ADGRG5: variants seen among roughly 807,000 people sequenced by gnomAD.
ADGRG5 encodes adhesion G protein-coupled receptor G5.
ADGRG5 carries 37 observed loss-of-function variants against 53.2 expected under a neutral mutation model. The observed-to-expected ratio is 0.70, with a 90% confidence interval of 0.53 to 0.91. The LOEUF is 0.91. Ranked by LOEUF, ADGRG5 falls within the 40% of genes least tolerant of loss-of-function variation. The pLI, the probability that ADGRG5 is intolerant of heterozygous loss-of-function variation, is 0.00. For synonymous variants in ADGRG5, 277 were observed against 290.4 expected (o/e 0.95, Z 0.47); for missense variants, 614 against 675.8 (o/e 0.91, Z 1.01).
intron 6 of ADGRG5, chr16:57,565,498 T>C: frequency 2.6e-6 from 1 of 387,916 alleles, no homozygotes; most frequent in South Asian, 1.1e-4. Context: ...GTCTCAGCAA[T>C]GGTCTCCTGT....
chr16:57,562,657 T>G, intron 3 of ADGRG5, 198 bp downstream of exon 3: 1 of 578,898 alleles, frequency 1.7e-6, no homozygotes, highest in East Asian at 2.9e-5. Flanking sequence ...TGGGGGCCCT[T>G]AATCATAGAT....
rs1014885144 is a variant in ADGRG5 at position 57,567,531 on chromosome 16, T to G, written c.761T>G (p.Val254Gly). The change falls in exon 8 of 12, where the codon GTG becomes GGG. Residue 254 changes from valine to glycine, a missense_variant. Coordinates refer to ENST00000349457, the MANE Select transcript of ADGRG5 (RefSeq NM_001304376.3). ...GCACCTCTTACGTACATCTCCCTCGTGGGCTGCAGCATCTCCATCGTGGCC... is the reference window on the plus strand; with the variant it reads ...GCACCTCTTACGTACATCTCCCTCGGGGGCTGCAGCATCTCCATCGTGGCC... Reference protein sequence around the residue: ...LLAPLTYISLVGCSISIVASL... With the variant: ...LLAPLTYISLGGCSISIVASL... The G allele has an allele frequency of 1.2e-6, 2 of 1,611,982 alleles. No individual in the cohort carries two copies. Among genetic ancestry groups the G allele is most frequent in the East Asian group, 4.5e-5 (2 of 44,864 alleles).
Position 57,570,670 on chromosome 16 carries a change from G to T in ADGRG5, c.1208+135G>T. ...AGAGGGAGCTGGGGCTTAGACAGGGGAGTTTGCAGGGGGCTCCACCACATC... is the reference window on the plus strand; with the variant it reads ...AGAGGGAGCTGGGGCTTAGACAGGGTAGTTTGCAGGGGGCTCCACCACATC... On this transcript the variant is annotated intron_variant, in intron 10 of 11. Transcript: ENST00000349457. 1.5e-6 allele frequency: 1 copy of T among 650,108 alleles called. No homozygotes were observed. The highest frequency in any genetic ancestry group is 2.7e-6 in the Non-Finnish European group (1 of 366,120). 40.3% of individuals were successfully genotyped at this position (650,108 alleles called of 1,614,324 possible).
rs1221425851 is a variant in ADGRG5, at chr16:57,576,646, AGCTGGAGGG to A, written c.*1111_*1119del. On this transcript the variant is annotated 3_prime_UTR_variant, in exon 12 of 12. Coordinates refer to ENST00000349457, the MANE Select transcript of ADGRG5 (RefSeq NM_001304376.3). ...CACCTGTTTGCAGACCCCATGCACC[AGCTGGAGGG>A]GCCGTAACTGCAGGACTGCGCCTAC... The A allele has an allele frequency of 2.0e-5, 3 of 152,220 alleles. No individual in the cohort carries two copies. Among genetic ancestry groups the A allele is most frequent in the African/African-American group, 7.2e-5 (3 of 41,460 alleles). The allele number at this position is 152,220 out of a possible 1,614,324, so 9.4% of individuals were successfully genotyped here. A position where few individuals can be genotyped will look rare whatever the true frequency, so the allele number is the denominator to read the frequency against.
chr16:57,555,443 T>A (rs1212223602), intron 1 of ADGRG5, among the ~76,000 whole-genome samples: 1 of 152,212 alleles, frequency 6.6e-6, no homozygotes, highest in African/African-American at 2.4e-5. Flanking sequence ...CCTTCCTCCA[T>A]GATTATATAC....
In ADGRG5 at chr16:57,564,312, A is replaced by T. The variant is rs540426125; in HGVS notation, c.429+333A>T. Among the ~76,000 whole-genome samples the T allele has an allele frequency of 4.3e-5, 6 of 139,764 alleles. No homozygotes were observed. The South Asian group carries it at 1.1e-3, about 27-fold the overall frequency. The allele number at this position is 139,764 out of a possible 152,430, so 91.7% of individuals were successfully genotyped here. On this transcript the variant is annotated intron_variant, in intron 5 of 11. Coordinates refer to ENST00000349457, the MANE Select transcript of ADGRG5 (RefSeq NM_001304376.3). ...TGATGCCTAGACTAAGACCTTACAG[A>T]TTTTTTTTTTTTTTTTTGGCAGAGT...
chr16:57,546,470 C>A (rs1215685703), intron 1 of ADGRG5, among the ~76,000 whole-genome samples: 1 of 152,192 alleles, frequency 6.6e-6, no homozygotes, highest in African/African-American at 2.4e-5. Context: ...TTATCAATTT[C>A]TAGAAACTTT....
At chr16:57,542,946 G>T (rs1445193426) in intron 1 of ADGRG5, 1 of 152,318 alleles carries the variant, frequency 6.6e-6, no homozygotes, top group Admixed American at 6.5e-5. Flanking sequence ...TTAGGCATGG[G>T]TCTCGAATCT....
intron 1 of ADGRG5, among the ~76,000 whole-genome samples, chr16:57,554,814 A>G (rs921282988): frequency 3.7e-4 from 57 of 152,058 alleles, no homozygotes; most frequent in African/African-American, 1.3e-3. Context: ...AATGCTATAA[A>G]TTTTTCTCTA....
intron 1 of ADGRG5, among the ~76,000 whole-genome samples, chr16:57,557,434 T>C (rs1000301749): frequency 1.3e-5 from 2 of 152,234 alleles, no homozygotes; most frequent in African/African-American, 4.8e-5. Flanking sequence ...TATCTAGATG[T>C]GTTTTTCTTT....
the ADGRG5 span, among the ~76,000 whole-genome samples, chr16:57,533,723 C>T: frequency 7.2e-5 from 11 of 152,088 alleles, no homozygotes; most frequent in Non-Finnish European, 1.5e-4. Flanking sequence ...CCCGGTAATG[C>T]ACAGACTCAC....
chr16:57,544,667 G>A (rs987581624), intron 1 of ADGRG5, among the ~76,000 whole-genome samples: 9 of 152,278 alleles, frequency 5.9e-5, no homozygotes, highest in Admixed American at 5.9e-4. Context: ...GGACAAATTG[G>A]CCCAAGATCC....
At chr16:57,562,993 G>T in intron 3 of ADGRG5, 98 bp from the exon 4 acceptor site, 1 of 1,169,918 alleles carries the variant, frequency 8.5e-7, no homozygotes. Context: ...ACAGAGGTGT[G>T]GGTGGGGAGG....
At chr16:57,563,353 A>G in intron 4 of ADGRG5, 106 bp downstream of exon 4, 1 of 960,502 alleles carries the variant, frequency 1.0e-6, no homozygotes, top group East Asian at 2.5e-5. Flanking sequence ...TCCTCCCCAC[A>G]CCCCACAGTC....
chr16:57,560,909 T>A (rs1397088919), intron 1 of ADGRG5, among the ~76,000 whole-genome samples: 1 of 152,146 alleles, frequency 6.6e-6, no homozygotes, highest in Non-Finnish European at 1.5e-5. Flanking sequence ...CCTGAGTAGC[T>A]GGAGACACAA....
the ADGRG5 span, among the ~76,000 whole-genome samples, chr16:57,537,306 G>GTGTACATCCTGTACATCA: frequency 5.2e-3 from 796 of 152,268 alleles, 8 homozygotes; most frequent in African/African-American, 0.018. Context: ...ACCCTGGAAG[G>GTGTACATCCTGTACATCA]CCCCCGAGGT....
chr16:57,546,700 C>G (rs2032628467), intron 1 of ADGRG5, among the ~76,000 whole-genome samples: 1 of 152,114 alleles, frequency 6.6e-6, no homozygotes, highest in South Asian at 2.1e-4. Flanking sequence ...CTTCCCCACT[C>G]CAGTGTTTTC....
intron 1 of ADGRG5, among the ~76,000 whole-genome samples, chr16:57,560,311 C>G (rs906693965): frequency 5.3e-5 from 8 of 152,228 alleles, no homozygotes; most frequent in South Asian, 2.1e-4. Context: ...CATCCTCCAG[C>G]AGCTTCTCAA....
chr16:57,575,064 C>T lies in ADGRG5; in HGVS notation c.1458C>T (p.Phe486=), dbSNP rs773590323. Residue 486 remains phenylalanine (F), a synonymous_variant, in exon 11 of 12, where the codon TTC becomes TTT. Transcript: ENST00000349457. ...GCGTCTTCCTGCTGCCCCAGCTGTT[C>T]CTCTTCACCATCTTAAACTCGCTCT... The part of the protein sequence containing the change: ...SFGVFLLPQL[F]LFTILNSLYG... The T allele has an allele frequency of 1.2e-6, 2 of 1,613,616 alleles. No individual in the cohort carries two copies. The highest frequency in any genetic ancestry group is 2.2e-5 in the East Asian group (1 of 44,884).
Sources: allele counts gnomAD v4.1 joint callset (sites outside exome capture counted in the v4.1 genomes callset), GRCh38; gene constraint gnomAD v4.1.1; transcripts MANE v1.5; gene names NCBI Gene and HGNC (gene_info 2026-07-23, HGNC 2026-07-21).